The following SULT2A1 variants were observed in gnomAD, a reference collection of about 807,000 sequenced individuals.
The protein encoded by SULT2A1 is sulfotransferase 2A1.
A neutral mutation model predicts 33.9 loss-of-function variants in SULT2A1; 43 were observed. The observed-to-expected ratio is 1.27, with a 90% CI of 1.00 to 1.64. SULT2A1 has a LOEUF of 1.64. Ranked by LOEUF, SULT2A1 falls within the 40% of genes most tolerant of loss-of-function variation. The probability of loss-of-function intolerance (pLI) is 0.00; values close to 1 mark genes in which losing one functional copy is unlikely to be tolerated. For missense variants in SULT2A1, 300 were observed against 335.1 expected, an observed-to-expected ratio of 0.90 and a Z score of 0.82; for synonymous variants, 125 against 113.6, an observed-to-expected ratio of 1.10 and a Z score of -0.64.
rs753978526 is a variant in SULT2A1, at chr19:47,874,664, C to T, written c.738G>A (p.Leu246=). ...VDYVVDKAQL[L]RKGVSGDWKN... The stretch of plus-strand genomic sequence containing the variant: ...CAGAGGATTTTCTTTTACCTTTTCT[C>T]AGAAGTTGTGCTTTGTCCACTACAT... The change falls in exon 5 of 6, where the codon CTG becomes CTA. Residue 246 remains leucine, a synonymous_variant. Coordinates refer to ENST00000222002, the MANE Select transcript of SULT2A1 (RefSeq NM_003167.4). The T allele has an allele frequency of 6.2e-6, 10 of 1,609,508 alleles. No homozygotes were observed. In the East Asian group the frequency reaches 1.8e-4, roughly 29 times the overall value.
chr19:47,876,307 C>T (rs1433212045), intron 4 of SULT2A1, among the ~76,000 whole-genome samples: 1 of 152,168 alleles, frequency 6.6e-6, no homozygotes, highest in African/African-American at 2.4e-5. Flanking sequence ...TGAACCACCG[C>T]ACCTGGCCAA....
At chr19:47,874,602 AG>A in intron 5 of SULT2A1, 54 bp downstream of exon 5, 10 of 1,386,714 alleles carry the variant, frequency 7.2e-6, no homozygotes, top group Non-Finnish European at 2.0e-6. Context: ...TTGTGACCAT[AG>A]GCATGCATGC....
intron 4 of SULT2A1, among the ~76,000 whole-genome samples, chr19:47,877,861 T>A (rs1384684565): frequency 3.9e-5 from 6 of 152,178 alleles, no homozygotes; most frequent in Non-Finnish European, 7.4e-5. Context: ...CAAGTTGTTC[T>A]TTCAATACTT....
chr19:47,873,614 C>CTTTTT (rs61271763), intron 5 of SULT2A1, among the ~76,000 whole-genome samples: 5 of 62,062 alleles, frequency 8.1e-5, no homozygotes, highest in Non-Finnish European at 8.0e-5. Context: ...GGACAGATCT[C>CTTTTT]TTTTTTTTTT....
At chr19:47,872,754 C>G (rs940415527) in intron 5 of SULT2A1, among the ~76,000 whole-genome samples, 1 of 146,398 alleles carries the variant, frequency 6.8e-6, no homozygotes, top group Non-Finnish European at 1.5e-5. Flanking sequence ...AAAGTCTCAG[C>G]ATTTATCTTT....
At chr19:47,872,161 G>A (rs62529873) in intron 5 of SULT2A1, among the ~76,000 whole-genome samples, 10 of 152,004 alleles carry the variant, frequency 6.6e-5, no homozygotes, top group Non-Finnish European at 1.3e-4. Flanking sequence ...CAGGTGATCC[G>A]CCCGCCTTGG....
intron 3 of SULT2A1, among the ~76,000 whole-genome samples, chr19:47,880,518 A>G (rs1968593386): frequency 6.6e-6 from 1 of 151,754 alleles, no homozygotes; most frequent in African/African-American, 2.4e-5. Context: ...GGGCGGTGAG[A>G]ACATTTAAGA....
chr19:47,874,539 C>CA (rs1968523617), intron 5 of SULT2A1, 118 bp downstream of exon 5: 9 of 535,732 alleles, frequency 1.7e-5, no homozygotes, highest in African/African-American at 5.0e-5. Flanking sequence ...GACTTCATCT[C>CA]GGAAAAAAAA....
chr19:47,886,161 T>C lies in SULT2A1; in HGVS notation c.97A>G (p.Arg33Gly). Residue 33 changes from arginine to glycine, a missense_variant, in exon 1 of 6, where the codon AGG (arginine) becomes GGG (glycine). Coordinates refer to ENST00000222002, the MANE Select transcript of SULT2A1 (RefSeq NM_003167.4). ...GTCAATATTATTACATCTTCATCCC[T>C]TATCACGAACTCATCACGTACTTTT... ...LRKVRDEFVI[R>G]DEDVIILTYP... 1 of 1,614,128 alleles carries C rather than the reference T, an allele frequency of 6.2e-7. No homozygotes were observed.
chr19:47,878,784 G>C (rs1968573097), intron 4 of SULT2A1, among the ~76,000 whole-genome samples: 1 of 152,034 alleles, frequency 6.6e-6, no homozygotes, highest in Non-Finnish European at 1.5e-5. Context: ...CAAAGTGCTG[G>C]GATTACAGGC....
chr19:47,883,143 G>A (rs1436448424), intron 2 of SULT2A1, among the ~76,000 whole-genome samples: 3 of 152,012 alleles, frequency 2.0e-5, no homozygotes, highest in Admixed American at 6.6e-5. Flanking sequence ...AGTCAACCTG[G>A]ATACAGGCAT....
chr19:47,886,068 A>C, intron 1 of SULT2A1, 54 bp downstream of exon 1: 1 of 1,595,688 alleles, frequency 6.3e-7, no homozygotes, highest in South Asian at 1.1e-5. Context: ...TCATGCACTG[A>C]ATGGACAGGA....
At chr19:47,873,041 C>T (rs112224228) in intron 5 of SULT2A1, among the ~76,000 whole-genome samples, 2,092 of 152,142 alleles carry the variant, frequency 0.014, 48 homozygotes, top group African/African-American at 0.046. Flanking sequence ...GGATTACAGG[C>T]GTGAGCCACC....
At position 47,880,008 on chromosome 19, in the gene SULT2A1, G is replaced by A. The variant is rs62530996; in HGVS notation, c.473-878C>T. Among the ~76,000 whole-genome samples the A allele has an allele frequency of 2.8e-3, 420 of 151,794 alleles. 1 individual carries two copies. Among genetic ancestry groups the A allele is most frequent in the African/African-American group, 9.0e-3 (371 of 41,418 alleles). ...TCCCAGCACTTTGGGAGGCCGAGGCGGGCGGATCACGAGGTCAGGAGATCG... is the reference window on the plus strand; with the variant it reads ...TCCCAGCACTTTGGGAGGCCGAGGCAGGCGGATCACGAGGTCAGGAGATCG... On this transcript the variant is annotated intron_variant, in intron 3 of 5. Coordinates refer to ENST00000222002, the MANE Select transcript of SULT2A1 (RefSeq NM_003167.4).
Position 47,884,804 on chromosome 19 carries a change from C to CTTTTTTT in SULT2A1, c.137-1026_137-1020dup, listed in dbSNP as rs71181611. On this transcript the variant is annotated intron_variant, in intron 1 of 5. Coordinates refer to ENST00000222002, the MANE Select transcript of SULT2A1 (RefSeq NM_003167.4). ...AGCCACTGCAGCCAGCTCTCAACCA[C>CTTTTTTT]TTTTTTTTTTTTTTTTTTTTTTTTT... Among the ~76,000 whole-genome samples the CTTTTTTT allele has an allele frequency of 6.2e-5, 4 of 64,008 alleles. 1 individual carries two copies. The highest frequency in any genetic ancestry group is 2.0e-4 in the African/African-American group (3 of 14,716). 42.0% of individuals were successfully genotyped at this position (64,008 alleles called of 152,430 possible). A position where few individuals can be genotyped will look rare whatever the true frequency, so the allele number is the denominator to read the frequency against.
At chr19:47,876,097 C>G (rs886800161) in intron 4 of SULT2A1, among the ~76,000 whole-genome samples, 4 of 152,178 alleles carry the variant, frequency 2.6e-5, no homozygotes, top group Admixed American at 1.3e-4. Context: ...CTCACTGCAA[C>G]CTCCGCCTCC....
At chr19:47,883,446 C>T (rs930987611) in intron 2 of SULT2A1, 131 bp downstream of exon 2, 206 of 884,708 alleles carry the variant, frequency 2.3e-4, no homozygotes, top group Non-Finnish European at 2.9e-4. Flanking sequence ...TCACCTAATA[C>T]GGAATCTCAG....
At position 47,871,475 on chromosome 19, in the gene SULT2A1, C is replaced by T; in HGVS notation, c.838G>A (p.Glu280Lys). The T allele has an allele frequency of 6.2e-7, 1 of 1,613,996 alleles. No individual in the cohort carries two copies. Among genetic ancestry groups the T allele is most frequent in the Non-Finnish European group, 8.5e-7 (1 of 1,179,918 alleles). ...GGACGTTATTCCCATGGGAACAGCT[C>T]TCGAGGAAGATCTGCCATCTTCTCT... Reference protein sequence around the residue: ...FQEKMADLPRELFPWE With the variant: ...FQEKMADLPRKLFPWE Residue 280 changes from glutamate (E) to lysine (K), a missense_variant, in exon 6 of 6, where the codon GAG (glutamate) becomes AAG (lysine). By Grantham distance (56) the Glu-to-Lys change is moderately conservative. Coordinates refer to ENST00000222002, the MANE Select transcript of SULT2A1 (RefSeq NM_003167.4).
At chr19:47,880,425 TG>T (rs897149008) in intron 3 of SULT2A1, among the ~76,000 whole-genome samples, 8 of 151,776 alleles carry the variant, frequency 5.3e-5, no homozygotes, top group African/African-American at 1.9e-4. Context: ...GAGATTTGGG[TG>T]GGGACACAAA....
Sources: allele counts gnomAD v4.1 joint callset (sites outside exome capture counted in the v4.1 genomes callset), GRCh38; gene constraint gnomAD v4.1.1; transcripts MANE v1.5; gene names NCBI Gene and HGNC (gene_info 2026-07-23, HGNC 2026-07-21).